Variants in FGF14 observed in about 807,000 individuals in gnomAD.
FGF14 encodes fibroblast growth factor 14.
A neutral mutation model predicts 25.5 loss-of-function variants in FGF14; 5 were observed. The ratio of observed to expected loss-of-function variants is 0.20; its 90% CI spans 0.10 to 0.41. The LOEUF (loss-of-function observed/expected upper bound fraction) is 0.41, where lower values mean the gene tolerates loss of function less well. FGF14 is among the 10% of genes least tolerant of loss of function. FGF14 has a pLI of 1.00. For synonymous variants in FGF14, 138 were observed against 118.3 expected (o/e 1.17, Z -1.08); for missense variants, 222 against 320.1 (o/e 0.69, Z 2.34).
Position 102,166,844 on chromosome 13 carries a change from T to C in FGF14, c.208+234627A>G, listed in dbSNP as rs2048033581. On this transcript the variant is annotated intron_variant, in intron 1 of 4. Coordinates refer to the FGF14 transcript ENST00000376131. ...TTGTGACCGGAGATTCACAAGAACC[T>C]AGCCGTGTATTTCCTCTTGAAACAG... Among the ~76,000 whole-genome samples, 3 of 152,302 alleles carry C rather than the reference T, an allele frequency of 2.0e-5. No homozygotes were observed. In the East Asian group the frequency reaches 5.8e-4, roughly 29 times the overall value.
rs576333137 is a variant in FGF14, at chr13:101,901,999, T to G, written c.193+14454A>C. On this transcript the variant is annotated intron_variant, in intron 1 of 4. Transcript: ENST00000376143. ...TGTGATACCATCACCACATCAAAGT[T>G]TTTGTGAAGTTCAATGCAGATAATG... Among the ~76,000 whole-genome samples, 48 of 152,296 alleles carry G rather than the reference T, an allele frequency of 3.2e-4. 1 individual carries two copies. Among genetic ancestry groups the G allele is most frequent in the African/African-American group, 1.1e-3 (47 of 41,576 alleles).
At chr13:102,263,465 C>G (rs2052823299) in intron 1 of FGF14, among the ~76,000 whole-genome samples, 1 of 151,948 alleles carries the variant, frequency 6.6e-6, no homozygotes, top group Admixed American at 6.6e-5. Context: ...GAAAGGCACC[C>G]CCAATAGAGA....
upstream of FGF14, among the ~76,000 whole-genome samples, chr13:101,920,620 C>A (rs528678104): frequency 2.6e-5 from 4 of 152,284 alleles, no homozygotes; most frequent in African/African-American, 9.6e-5. Context: ...AATTCTTTTG[C>A]AGTTTCCATG....
chr13:102,051,822 A>G (rs898337990), intron 1 of FGF14, among the ~76,000 whole-genome samples: 5 of 152,176 alleles, frequency 3.3e-5, no homozygotes, highest in African/African-American at 1.2e-4. Flanking sequence ...TACTCCACCA[A>G]ATACATACAC....
At chr13:102,067,655 A>G (rs1863619515) in intron 1 of FGF14, among the ~76,000 whole-genome samples, 1 of 150,666 alleles carries the variant, frequency 6.6e-6, no homozygotes, top group Non-Finnish European at 1.5e-5. Flanking sequence ...TACTAGATCT[A>G]CAAAAACCTC....
intron 1 of FGF14, among the ~76,000 whole-genome samples, chr13:102,345,559 T>C (rs2138935812): frequency 6.6e-6 from 1 of 152,366 alleles, no homozygotes; most frequent in Non-Finnish European, 1.5e-5. Context: ...GGAGCATGCT[T>C]GTCTCATATG....
At chr13:101,746,940 C>T (rs2036931263) in intron 3 of FGF14, among the ~76,000 whole-genome samples, 1 of 151,998 alleles carries the variant, frequency 6.6e-6, no homozygotes, top group African/African-American at 2.4e-5. Context: ...CACCTTTTGA[C>T]TCTCAGAAAA....
chr13:101,756,444 T>C (rs764622985), intron 3 of FGF14, among the ~76,000 whole-genome samples: 1 of 152,148 alleles, frequency 6.6e-6, no homozygotes, highest in Non-Finnish European at 1.5e-5. Context: ...CTCTTTAAAA[T>C]AGTCTTAAAG....
At chr13:102,184,883 C>T (rs371256264) in intron 1 of FGF14, among the ~76,000 whole-genome samples, 7 of 152,078 alleles carry the variant, frequency 4.6e-5, no homozygotes, top group South Asian at 2.1e-4. Flanking sequence ...TATGCACAGA[C>T]GTGCATCATT....
At chr13:101,963,791 T>C (rs1594845168) in intron 1 of FGF14, among the ~76,000 whole-genome samples, 1 of 152,316 alleles carries the variant, frequency 6.6e-6, no homozygotes. Flanking sequence ...CCATATACTG[T>C]GTTAGTCATG....
chr13:101,798,281 T>C (rs2040672837), intron 3 of FGF14, among the ~76,000 whole-genome samples: 1 of 152,116 alleles, frequency 6.6e-6, no homozygotes, highest in Non-Finnish European at 1.5e-5. Context: ...TCCATAGAGA[T>C]GTTTCCTGTC....
At chr13:102,004,259 A>G (rs564783323) in intron 1 of FGF14, among the ~76,000 whole-genome samples, 1 of 152,310 alleles carries the variant, frequency 6.6e-6, no homozygotes, top group South Asian at 2.1e-4. Flanking sequence ...AATTCCAGAC[A>G]TTTTCTGCTA....
rs201033233 is a variant in FGF14 at position 101,724,597 on chromosome 13, AATATATATATATATAT to A, written c.608-1646_608-1631del. ...CCTAGAACTTAAAGTATAATAATAA[AATATATATATATATAT>A]ATATATATATATATATATAAAACAA... On this transcript the variant is annotated intron_variant, in intron 4 of 4. Coordinates refer to ENST00000376143, the MANE Select transcript of FGF14 (RefSeq NM_004115.4). Among the ~76,000 whole-genome samples, 723 of 121,278 alleles carry A rather than the reference AATATATATATATATAT, an allele frequency of 6.0e-3. 10 individuals carry two copies. The highest frequency in any genetic ancestry group is 0.02 in the African/African-American group (665 of 32,698). The allele number at this position is 121,278 out of a possible 152,430, so 79.6% of individuals were successfully genotyped here.
intron 1 of FGF14, among the ~76,000 whole-genome samples, chr13:102,353,451 T>TA (rs1212150629): frequency 1.3e-5 from 2 of 152,196 alleles, no homozygotes; most frequent in Non-Finnish European, 2.9e-5. Context: ...GCTTCTGACA[T>TA]AGATACCCAA....
intron 3 of FGF14, among the ~76,000 whole-genome samples, chr13:101,834,618 C>T (rs897114078): frequency 6.6e-6 from 1 of 152,020 alleles, no homozygotes; most frequent in Non-Finnish European, 1.5e-5. Flanking sequence ...GAACTGAATA[C>T]ATTTAAATCT....
intron 1 of FGF14, among the ~76,000 whole-genome samples, chr13:102,289,992 G>GGGTAATTCTTACTTTAAAA (rs1271311223): frequency 6.6e-6 from 1 of 152,024 alleles, no homozygotes; most frequent in African/African-American, 2.4e-5. Context: ...TATTCTTAAA[G>GGGTAATTCTTACTTTAAAA]GGTAATTCTT....
intron 1 of FGF14, among the ~76,000 whole-genome samples, chr13:102,000,360 A>G (rs1397297419): frequency 6.6e-6 from 1 of 152,206 alleles, no homozygotes; most frequent in Non-Finnish European, 1.5e-5. Flanking sequence ...AGAACATTTC[A>G]CAGCATGTGA....
chr13:102,382,955 T>C (rs1328631461), intron 1 of FGF14, among the ~76,000 whole-genome samples: 1 of 152,038 alleles, frequency 6.6e-6, no homozygotes, highest in Non-Finnish European at 1.5e-5. Context: ...AATGGGGAAA[T>C]AGAGAGTTAC....
intron 1 of FGF14, among the ~76,000 whole-genome samples, chr13:102,165,366 G>A (rs1206668543): frequency 1.3e-5 from 2 of 151,898 alleles, no homozygotes; most frequent in Admixed American, 6.6e-5. Context: ...ACATGCACAC[G>A]TATGTTTATT....
Sources: gnomAD v4.1 joint callset for allele counts (sites outside exome capture counted in the v4.1 genomes callset) on GRCh38, gnomAD v4.1.1 for gene constraint, MANE v1.5 for transcripts, NCBI Gene and HGNC (gene_info 2026-07-23, HGNC 2026-07-21) for gene names.